Variants in PCDHA6 observed in about 807,000 individuals in gnomAD.
PCDHA6 encodes the protein protocadherin alpha 6.
Under a neutral mutation model 60.3 loss-of-function variants are expected in PCDHA6, and 55 were observed. The ratio of observed to expected loss-of-function variants is 0.91; its 90% confidence interval spans 0.73 to 1.14. The LOEUF (loss-of-function observed/expected upper bound fraction) is 1.14, where lower values mean the gene tolerates loss of function less well. PCDHA6 is among the 50% of genes most tolerant of loss of function. The probability of loss-of-function intolerance (pLI) is 0.00; values close to 1 mark genes in which losing one functional copy is unlikely to be tolerated. For synonymous variants in PCDHA6, 652 were observed against 557.9 expected (o/e 1.17, Z -2.38); for missense variants, 1,327 against 1,256.5 (o/e 1.06, Z -0.85).
rs2150241896 is a variant in PCDHA6 at position 140,835,685 on chromosome 5, T to A, written c.2394+5200T>A. ...CCGCGCGGGACGGGGGCTCGCCTTC[T>A]CTGTGGGCCACTGCTAGCGTGTCCG... On this transcript the variant is annotated intron_variant, in intron 1 of 3. Transcript: ENST00000529310. 6.8e-6 allele frequency: 11 copies of A among 1,613,764 alleles called. No individual in the cohort carries two copies. The East Asian group carries it at 1.8e-4, about 26-fold the overall frequency.
At chr5:140,976,403 TA>T (rs1469780321) in intron 1 of PCDHA6, among the ~76,000 whole-genome samples, 1 of 151,936 alleles carries the variant, frequency 6.6e-6, no homozygotes, top group Non-Finnish European at 1.5e-5. Flanking sequence ...ATTCAAAAAT[TA>T]GCCAGGTACG....
intron 1 of PCDHA6, chr5:140,877,741 A>T: frequency 1.2e-6 from 2 of 1,614,182 alleles, no homozygotes; most frequent in Non-Finnish European, 1.7e-6. Flanking sequence ...GAGGAGGCAG[A>T]GGGTGTGCTC....
At chr5:140,836,178 G>A in intron 1 of PCDHA6, 1 of 1,613,826 alleles carries the variant, frequency 6.2e-7, no homozygotes, top group Non-Finnish European at 8.5e-7. Context: ...TGCAGTTGAC[G>A]CTGACTCAGG....
At chr5:140,969,221 C>A (rs1222433541) in intron 1 of PCDHA6, 1 of 1,614,040 alleles carries the variant, frequency 6.2e-7, no homozygotes, top group African/African-American at 1.3e-5. Context: ...AGGACCAGGG[C>A]CTTCGGGAGC....
At chr5:140,875,958 C>G (rs1312300687) in intron 1 of PCDHA6, 4 of 1,614,080 alleles carry the variant, frequency 2.5e-6, no homozygotes, top group Non-Finnish European at 3.4e-6. Flanking sequence ...ATGCGGATAT[C>G]GGCGTAAACT....
At chr5:141,001,896 C>T (rs2098042458) in intron 3 of PCDHA6, among the ~76,000 whole-genome samples, 1 of 152,142 alleles carries the variant, frequency 6.6e-6, no homozygotes, top group Admixed American at 6.5e-5. Flanking sequence ...GAAATCGGGG[C>T]TGTTTGAAAA....
At chr5:140,835,721 C>T (rs2150243026) in intron 1 of PCDHA6, 10 of 1,613,816 alleles carry the variant, frequency 6.2e-6, no homozygotes, top group Non-Finnish European at 8.5e-6. Context: ...TGGAGGTGGC[C>T]GACGTGAACG....
chr5:140,872,286 G>C (rs145153656), intron 1 of PCDHA6, among the ~76,000 whole-genome samples: 7 of 151,974 alleles, frequency 4.6e-5, no homozygotes, highest in Admixed American at 1.3e-4. Flanking sequence ...AAAAAGTTAA[G>C]CCTTGCATTC....
chr5:140,843,689 G>A lies in PCDHA6; in HGVS notation c.2394+13204G>A, dbSNP rs2150365146. 5 of 1,587,152 alleles carry A rather than the reference G, an allele frequency of 3.2e-6. 1 individual carries two copies. The highest frequency in any genetic ancestry group is 4.3e-6 in the Non-Finnish European group (5 of 1,157,468). On this transcript the variant is annotated intron_variant, in intron 1 of 3. Coordinates refer to ENST00000529310, the MANE Select transcript of PCDHA6 (RefSeq NM_018909.4). ...ATCAGTTGATGTAGGCGAAGAGCAAGATTTAAATGTTGATCATGGCCTCAA... is the reference window on the plus strand; with the variant it reads ...ATCAGTTGATGTAGGCGAAGAGCAAAATTTAAATGTTGATCATGGCCTCAA...
chr5:140,849,445 A>G, intron 1 of PCDHA6: 1 of 1,585,774 alleles, frequency 6.3e-7, no homozygotes, highest in South Asian at 1.1e-5. Flanking sequence ...AGAGCACACA[A>G]GATCCCAGTC....
chr5:140,930,925 G>T (rs1271801364), intron 1 of PCDHA6, among the ~76,000 whole-genome samples: 7 of 152,158 alleles, frequency 4.6e-5, no homozygotes, highest in Admixed American at 4.6e-4. Flanking sequence ...ATGTGTATAT[G>T]TGGTTAACAG....
intron 1 of PCDHA6, among the ~76,000 whole-genome samples, chr5:140,893,546 A>T (rs765690335): frequency 2.0e-5 from 3 of 152,210 alleles, no homozygotes; most frequent in Non-Finnish European, 4.4e-5. Context: ...TGTAGGACTT[A>T]TCTAGTTGTA....
chr5:140,894,724 C>T (rs1322007306), intron 1 of PCDHA6, among the ~76,000 whole-genome samples: 7 of 151,784 alleles, frequency 4.6e-5, no homozygotes, highest in African/African-American at 9.7e-5. Context: ...TCAAATATTA[C>T]GTAGCAATTT....
chr5:140,861,388 G>T, intron 1 of PCDHA6: 1 of 450,376 alleles, frequency 2.2e-6, no homozygotes, highest in African/African-American at 2.0e-5. Context: ...CAGGACCTGG[G>T]TCTGGAGCTT....
At chr5:140,856,326 A>G in intron 1 of PCDHA6, 1 of 1,598,548 alleles carries the variant, frequency 6.3e-7, no homozygotes, top group Non-Finnish European at 8.6e-7. Context: ...GACCGCGAGG[A>G]GCTGTGCGGG....
intron 1 of PCDHA6, among the ~76,000 whole-genome samples, chr5:140,898,272 A>T (rs13177412): frequency 6.6e-6 from 1 of 152,110 alleles, no homozygotes; most frequent in Non-Finnish European, 1.5e-5. Flanking sequence ...CCCATGCCTA[A>T]GTTCTGAATG....
chr5:140,980,724 T>G (rs2096903192), intron 2 of PCDHA6, among the ~76,000 whole-genome samples: 1 of 152,176 alleles, frequency 6.6e-6, no homozygotes, highest in Non-Finnish European at 1.5e-5. Flanking sequence ...GGGTTTCAAT[T>G]AAGATATTAT....
chr5:140,967,324 G>A, intron 1 of PCDHA6: 4 of 1,609,186 alleles, frequency 2.5e-6, no homozygotes, highest in Non-Finnish European at 3.4e-6. Context: ...AGACCTACGA[G>A]CTCAGCCCCA....
At chr5:140,967,456 G>C in intron 1 of PCDHA6, 1 of 1,613,598 alleles carries the variant, frequency 6.2e-7, no homozygotes, top group Non-Finnish European at 8.5e-7. Context: ...TCACAGCCGT[G>C]GATGGGGGCA....
Sources: gnomAD v4.1 joint callset for allele counts (sites outside exome capture counted in the v4.1 genomes callset) on GRCh38, gnomAD v4.1.1 for gene constraint, MANE v1.5 for transcripts, NCBI Gene and HGNC (gene_info 2026-07-23, HGNC 2026-07-21) for gene names.